Variants in PTPRD observed in about 807,000 individuals in gnomAD.
The protein encoded by PTPRD is receptor-type tyrosine-protein phosphatase delta.
In PTPRD, 34 loss-of-function variants were observed where a neutral mutation model predicts 214.5. The ratio of observed to expected loss-of-function variants is 0.16; its 90% CI spans 0.12 to 0.21. The LOEUF (loss-of-function observed/expected upper bound fraction) is 0.21, where lower values mean the gene tolerates loss of function less well. Among genes scored for constraint, PTPRD ranks in the 10% least tolerant of loss-of-function variants. The probability of loss-of-function intolerance (pLI) is 1.00; values close to 1 mark genes in which losing one functional copy is unlikely to be tolerated. For synonymous variants in PTPRD, 1,128 were observed against 845.7 expected, an observed-to-expected ratio of 1.33 and a Z score of -5.79; for missense variants, 2,545 against 2,398.7, an observed-to-expected ratio of 1.06 and a Z score of -1.27.
intron 2 of PTPRD, among the ~76,000 whole-genome samples, chr9:10,421,148 T>C (rs2098541803): frequency 6.6e-6 from 1 of 151,780 alleles, no homozygotes; most frequent in Non-Finnish European, 1.5e-5. Context: ...TTCAAAGCCA[T>C]CCACGGGATG....
chr9:9,560,510 C>T (rs77772371), intron 8 of PTPRD, among the ~76,000 whole-genome samples: 1,990 of 152,310 alleles, frequency 0.013, 47 homozygotes, highest in African/African-American at 0.045. Context: ...TCCACTGCCT[C>T]CCATGTTTCC....
chr9:10,020,070 C>A (rs138315128), intron 4 of PTPRD, among the ~76,000 whole-genome samples: 4 of 151,910 alleles, frequency 2.6e-5, no homozygotes, highest in Admixed American at 1.3e-4. Context: ...TGAAGAAAGA[C>A]GGAAGTTATT....
intron 14 of PTPRD, among the ~76,000 whole-genome samples, chr9:8,592,409 G>A (rs1780751958): frequency 6.6e-6 from 1 of 152,156 alleles, no homozygotes; most frequent in African/African-American, 2.4e-5. Context: ...TAGGGAGTTA[G>A]AGTTGACTCC....
At chr9:9,533,508 G>T (rs138279315) in intron 8 of PTPRD, among the ~76,000 whole-genome samples, 2,577 of 151,818 alleles carry the variant, frequency 0.017, 36 homozygotes, top group Admixed American at 0.026. Context: ...TTCTTTTCAG[G>T]CTGTTTTAAA....
At chr9:10,257,590 G>T (rs2093377387) in intron 3 of PTPRD, among the ~76,000 whole-genome samples, 1 of 152,118 alleles carries the variant, frequency 6.6e-6, no homozygotes, top group African/African-American at 2.4e-5. Flanking sequence ...AAATCAAAAT[G>T]ATTTATATGG....
chr9:9,551,402 T>C (rs1455454565), intron 8 of PTPRD, among the ~76,000 whole-genome samples: 1 of 152,008 alleles, frequency 6.6e-6, no homozygotes, highest in Non-Finnish European at 1.5e-5. Flanking sequence ...TTTCCAGTGG[T>C]AGTACTAGGC....
chr9:9,711,678 G>T lies in PTPRD; in HGVS notation c.-287+22855C>A, dbSNP rs147587982. On this transcript the variant is annotated intron_variant, in intron 7 of 45. Coordinates refer to ENST00000381196, the MANE Select transcript of PTPRD (RefSeq NM_002839.4). ...CTCAAGGTCAACAGACACTTTTGATGATCAGAACTGGCTAGTTACTACTAC... is the reference window on the plus strand; with the variant it reads ...CTCAAGGTCAACAGACACTTTTGATTATCAGAACTGGCTAGTTACTACTAC... Among the ~76,000 whole-genome samples the T allele has an allele frequency of 2.4e-3, 373 of 152,248 alleles. 3 individuals are homozygous for T. Among genetic ancestry groups the T allele is most frequent in the African/African-American group, 8.5e-3 (354 of 41,546 alleles).
intron 3 of PTPRD, among the ~76,000 whole-genome samples, chr9:10,226,735 T>A (rs1161196680): frequency 1.3e-5 from 2 of 152,010 alleles, no homozygotes; most frequent in South Asian, 2.1e-4. Context: ...AGTCTGTTTG[T>A]CAGCATGAGA....
chr9:8,669,875 G>C (rs985283575), intron 12 of PTPRD, among the ~76,000 whole-genome samples: 11 of 152,112 alleles, frequency 7.2e-5, no homozygotes, highest in African/African-American at 2.7e-4. Context: ...GTAGGAAGGA[G>C]GAGTGGGAAG....
rs545227076 is a variant in PTPRD at position 8,320,853 on chromosome 9, A to C, written c.5535-887T>G. 9.9e-5 allele frequency among the ~76,000 whole-genome samples: 15 copies of C among 152,278 alleles called. No homozygotes were observed. In the East Asian group the frequency reaches 1.5e-3, roughly 16 times the overall value. The stretch of plus-strand genomic sequence containing the variant: ...GCACTTAAGGAGGAAAGCAATGGGA[A>C]GTTCAGATAATGAGGGAAACAGTGA... On this transcript the variant is annotated intron_variant, in intron 44 of 45. Coordinates refer to ENST00000381196, the MANE Select transcript of PTPRD (RefSeq NM_002839.4).
chr9:8,532,130 C>T (rs555397909), intron 14 of PTPRD, among the ~76,000 whole-genome samples: 1 of 152,110 alleles, frequency 6.6e-6, no homozygotes, highest in African/African-American at 2.4e-5. Context: ...TCTTTGAATG[C>T]ACTTTCTTCG....
At chr9:9,066,345 G>T (rs1293651636) in intron 10 of PTPRD, among the ~76,000 whole-genome samples, 2 of 151,980 alleles carry the variant, frequency 1.3e-5, no homozygotes, top group Non-Finnish European at 2.9e-5. Context: ...ACCTCTAAAA[G>T]AAATGACAAG....
intron 3 of PTPRD, among the ~76,000 whole-genome samples, chr9:10,094,974 C>G (rs1333770531): frequency 6.6e-6 from 1 of 151,414 alleles, no homozygotes; most frequent in Non-Finnish European, 1.5e-5. Flanking sequence ...GTCCTATATG[C>G]TGTTTTAGGA....
chr9:10,363,363 G>A (rs1346514884), intron 2 of PTPRD, among the ~76,000 whole-genome samples: 1 of 152,138 alleles, frequency 6.6e-6, no homozygotes, highest in African/African-American at 2.4e-5. Context: ...GTTATAATAA[G>A]AAATAGTAAA....
chr9:9,987,864 C>T (rs913711828), intron 4 of PTPRD, among the ~76,000 whole-genome samples: 1 of 152,046 alleles, frequency 6.6e-6, no homozygotes, highest in Non-Finnish European at 1.5e-5. Context: ...CATTTAAACT[C>T]TTTGTTTTTT....
chr9:10,062,805 C>T (rs1217770500), intron 3 of PTPRD, among the ~76,000 whole-genome samples: 2 of 151,926 alleles, frequency 1.3e-5, no homozygotes, highest in Non-Finnish European at 2.9e-5. Flanking sequence ...TATGGTTAAA[C>T]ATCTTTCATC....
At chr9:9,701,097 T>A (rs1036156231) in intron 7 of PTPRD, among the ~76,000 whole-genome samples, 2 of 151,990 alleles carry the variant, frequency 1.3e-5, no homozygotes, top group African/African-American at 2.4e-5. Context: ...TGGGAAGATA[T>A]TAAAGAATGG....
intron 12 of PTPRD, among the ~76,000 whole-genome samples, chr9:8,652,084 T>A (rs2096824151): frequency 6.6e-6 from 1 of 152,164 alleles, no homozygotes; most frequent in Non-Finnish European, 1.5e-5. Flanking sequence ...ATTTGCCAGC[T>A]AACTTTTTCC....
intron 5 of PTPRD, among the ~76,000 whole-genome samples, chr9:9,874,104 G>C (rs1420402670): frequency 6.6e-6 from 1 of 152,110 alleles, no homozygotes; most frequent in African/African-American, 2.4e-5. Context: ...GTAGAATAGA[G>C]AGTGGTCTGG....
Sources: allele counts gnomAD v4.1 joint callset (sites outside exome capture counted in the v4.1 genomes callset), GRCh38; gene constraint gnomAD v4.1.1; transcripts MANE v1.5; gene names NCBI Gene and HGNC (gene_info 2026-07-23, HGNC 2026-07-21).